The following ZNF544 variants were observed in gnomAD, a reference collection of about 807,000 sequenced individuals.
ZNF544 encodes zinc finger protein AF020591.
A neutral mutation model predicts 13.5 loss-of-function variants in ZNF544; 10 were observed. That is an observed-to-expected ratio of 0.74 (90% CI 0.46 to 1.25). The LOEUF (loss-of-function observed/expected upper bound fraction) is 1.25. ZNF544 is among the 50% of genes most tolerant of loss of function. The pLI is 0.00. For missense variants in ZNF544, 896 were observed against 845.6 expected (o/e 1.06, Z -0.74); for synonymous variants, 323 against 300.5 (o/e 1.07, Z -0.77).
At chr19:58,230,254 G>A (rs1296381578) in intron 2 of ZNF544, 140 bp from the exon 3 acceptor site, 1 of 152,176 alleles carries the variant, frequency 6.6e-6, no homozygotes, top group Non-Finnish European at 1.5e-5. Flanking sequence ...GAACAGATGG[G>A]GAATTTTATG....
intron 3 of ZNF544, among the ~76,000 whole-genome samples, chr19:58,240,265 T>C (rs1249628351): frequency 1.3e-5 from 2 of 151,764 alleles, no homozygotes; most frequent in Non-Finnish European, 2.9e-5. Flanking sequence ...TTCTTTCTTT[T>C]TTTTTTTTTG....
intron 3 of ZNF544, among the ~76,000 whole-genome samples, chr19:58,237,679 C>T (rs1194773990): frequency 3.3e-5 from 5 of 152,208 alleles, no homozygotes; most frequent in East Asian, 3.9e-4. Flanking sequence ...TTTATCTTCC[C>T]TGTCTTCCTC....
At chr19:58,263,974 A>C (rs1263222113), downstream of ZNF544, 1 of 152,266 alleles carries the variant, frequency 6.6e-6, no homozygotes, top group Non-Finnish European at 1.5e-5. Context: ...GGGCTCCTGT[A>C]GTCCCAGCTA....
intron 3 of ZNF544, among the ~76,000 whole-genome samples, chr19:58,232,946 CAA>C (rs71190012): frequency 2.8e-4 from 13 of 46,072 alleles, no homozygotes; most frequent in African/African-American, 7.3e-4. Flanking sequence ...GACTCCATCT[CAA>C]AAAAAAAAAA....
At chr19:58,244,750 T>A (rs983278839) in intron 4 of ZNF544, among the ~76,000 whole-genome samples, 6 of 152,158 alleles carry the variant, frequency 3.9e-5, no homozygotes, top group Admixed American at 6.5e-5. Flanking sequence ...TAATTTATTA[T>A]ATTTTTAGTG....
chr19:58,262,932 A>G lies in ZNF544; in HGVS notation c.*178A>G. ...CCCTACGAATGCATTGATTGTGGGA[A>G]AGCCTTCAATGATCGCTCAACCCTT... On this transcript the variant is annotated 3_prime_UTR_variant, in exon 7 of 7. Coordinates refer to ENST00000687789, the MANE Select transcript of ZNF544 (RefSeq NM_014480.4). The G allele has an allele frequency of 1.4e-6, 2 of 1,438,296 alleles. No homozygotes were observed. Among genetic ancestry groups the G allele is most frequent in the Non-Finnish European group, 1.8e-6 (2 of 1,102,092 alleles). 89.1% of individuals were successfully genotyped at this position (1,438,296 alleles called of 1,614,324 possible).
At chr19:58,234,993 T>C (rs1261275195) in intron 3 of ZNF544, among the ~76,000 whole-genome samples, 1 of 152,234 alleles carries the variant, frequency 6.6e-6, no homozygotes, top group Non-Finnish European at 1.5e-5. Flanking sequence ...TCTCTCTCTT[T>C]TTGTTGTTTT....
intron 6 of ZNF544, among the ~76,000 whole-genome samples, chr19:58,252,584 C>T (rs1430690665): frequency 6.6e-6 from 1 of 152,120 alleles, no homozygotes; most frequent in Non-Finnish European, 1.5e-5. Flanking sequence ...CTTTAGACAA[C>T]CTCTGAACTA....
At chr19:58,253,473 C>T (rs1334153652) in intron 6 of ZNF544, among the ~76,000 whole-genome samples, 3 of 152,160 alleles carry the variant, frequency 2.0e-5, no homozygotes, top group Non-Finnish European at 4.4e-5. Flanking sequence ...GAGCCTTGCT[C>T]TTTTGCCCAG....
chr19:58,244,512 G>A (rs371198219), intron 4 of ZNF544, among the ~76,000 whole-genome samples: 1 of 152,004 alleles, frequency 6.6e-6, no homozygotes, highest in East Asian at 1.9e-4. Flanking sequence ...GCCGTTGTCC[G>A]ACTGTGTCTT....
downstream of ZNF544, among the ~76,000 whole-genome samples, chr19:58,268,653 C>G (rs2050233908): frequency 1.3e-5 from 2 of 152,164 alleles, no homozygotes; most frequent in African/African-American, 4.8e-5. Context: ...ACAATCTAAA[C>G]TAAAACTAGA....
At chr19:58,237,995 C>G (rs888810221) in intron 3 of ZNF544, among the ~76,000 whole-genome samples, 13 of 152,166 alleles carry the variant, frequency 8.5e-5, no homozygotes, top group African/African-American at 2.9e-4. Flanking sequence ...TGCAATGGCA[C>G]GATCTCAGCT....
chr19:58,229,935 CTG>C (rs2040854983), intron 2 of ZNF544: 3 of 152,800 alleles, frequency 2.0e-5, no homozygotes, highest in African/African-American at 7.2e-5. Context: ...TGGAGGAAGA[CTG>C]TGTTTCTGTT....
At chr19:58,265,924 G>A (rs1230913028), downstream of ZNF544, among the ~76,000 whole-genome samples, 2 of 151,930 alleles carry the variant, frequency 1.3e-5, no homozygotes, top group African/African-American at 2.4e-5. Flanking sequence ...CCAATGGGAG[G>A]GTGAGCATGG....
At chr19:58,276,149 C>T in intron 5 of ZNF544, among the ~76,000 whole-genome samples, 1 of 152,012 alleles carries the variant, frequency 6.6e-6, no homozygotes, top group East Asian at 1.9e-4. Flanking sequence ...TGCATTCCAG[C>T]TTGGACAACA....
intron 3 of ZNF544, among the ~76,000 whole-genome samples, chr19:58,235,391 A>G (rs2042167564): frequency 6.6e-6 from 1 of 152,222 alleles, no homozygotes; most frequent in Non-Finnish European, 1.5e-5. Flanking sequence ...GCGGTCTGTC[A>G]CTGACCAGAA....
intron 3 of ZNF544, among the ~76,000 whole-genome samples, chr19:58,232,058 TC>T (rs1301650772): frequency 6.6e-6 from 1 of 151,916 alleles, no homozygotes; most frequent in Non-Finnish European, 1.5e-5. Context: ...TCCAGGCTGG[TC>T]TTGAACTTGA....
rs758868892 is a variant in ZNF544 at position 58,261,508 on chromosome 19, A to C, written c.902A>C (p.Asp301Ala). The change falls in exon 7 of 7, where the codon GAT (aspartate) becomes GCT (alanine). Residue 301 changes from aspartate to alanine, a missense_variant. Physicochemically the swap from Asp to Ala is moderately radical, Grantham distance 126 (BLOSUM62 -2). Transcript: ENST00000687789. The part of the protein sequence containing the change: ...VHFGKSQYEC[D>A]ECRETCSESL... The stretch of plus-strand genomic sequence containing the variant: ...TTTGGGAAAAGTCAGTATGAGTGTG[A>C]TGAGTGCAGGGAAACCTGTTCTGAG... 1 of 1,614,176 alleles carries C rather than the reference A, an allele frequency of 6.2e-7. No homozygotes were observed. The highest frequency in any genetic ancestry group is 8.5e-7 in the Non-Finnish European group (1 of 1,180,038).
At position 58,263,430 on chromosome 19, in the gene ZNF544, C is replaced by G; in HGVS notation, c.*676C>G. On this transcript the variant is annotated 3_prime_UTR_variant, in exon 7 of 7. Coordinates refer to ENST00000687789, the MANE Select transcript of ZNF544 (RefSeq NM_014480.4). Reference sequence around the variant, plus strand: ...GAGCTGTGATCATGCCATCACACCGCTGCCTTGTGAGAGATTGAGACACTC... The same window carrying G: ...GAGCTGTGATCATGCCATCACACCGGTGCCTTGTGAGAGATTGAGACACTC... The G allele has an allele frequency of 1.0e-6, 1 of 985,158 alleles. No homozygotes were observed. Among genetic ancestry groups the G allele is most frequent in the South Asian group, 4.7e-5 (1 of 21,274 alleles). The allele number at this position is 985,158 out of a possible 1,614,324, so 61.0% of individuals were successfully genotyped here.
Sources: gnomAD v4.1 joint callset for allele counts (sites outside exome capture counted in the v4.1 genomes callset) on GRCh38, gnomAD v4.1.1 for gene constraint, MANE v1.5 for transcripts, NCBI Gene and HGNC (gene_info 2026-07-23, HGNC 2026-07-21) for gene names.